Variants in ARMC8 observed in about 807,000 individuals in gnomAD.
ARMC8 encodes the protein armadillo repeat-containing protein 8.
A neutral mutation model predicts 99.3 loss-of-function variants in ARMC8; 20 were observed. That is an observed-to-expected ratio of 0.20 (90% CI 0.14 to 0.29). The LOEUF (loss-of-function observed/expected upper bound fraction) is 0.29. Among genes scored for constraint, ARMC8 ranks in the 10% least tolerant of loss-of-function variants. The pLI is 1.00. For synonymous variants in ARMC8, 263 were observed against 278.3 expected (o/e 0.95, Z 0.55); for missense variants, 569 against 809.5 (o/e 0.70, Z 3.60).
chr3:138,229,336 CTTTT>C (rs71304266), intron 6 of ARMC8, among the ~76,000 whole-genome samples: 1 of 132,616 alleles, frequency 7.5e-6, no homozygotes. Context: ...CTCCCTCATT[CTTTT>C]TTTTTTTTTT....
intron 12 of ARMC8, chr3:138,245,900 C>G: frequency 1.0e-6 from 1 of 985,404 alleles, no homozygotes; most frequent in Non-Finnish European, 1.2e-6. Context: ...CATGTATAAC[C>G]TAATAAATTC....
At chr3:138,223,363 T>A (rs1381432626) in intron 3 of ARMC8, 26 bp from the exon 4 acceptor site, 1 of 1,609,620 alleles carries the variant, frequency 6.2e-7, no homozygotes, top group East Asian at 2.2e-5. Context: ...TTTAGTCTCT[T>A]CGTTTATTAA....
At chr3:138,207,411 G>A (rs1001822091) in intron 1 of ARMC8, among the ~76,000 whole-genome samples, 1 of 152,144 alleles carries the variant, frequency 6.6e-6, no homozygotes, top group African/African-American at 2.4e-5. Flanking sequence ...CTCAGTGCAT[G>A]TTATATTGAA....
intron 16 of ARMC8, 123 bp downstream of exon 16, chr3:138,270,255 T>C: frequency 1.4e-6 from 1 of 733,660 alleles, no homozygotes; most frequent in Non-Finnish European, 2.2e-6. Flanking sequence ...GGCTATTTTG[T>C]TCTAGTTTTC....
intron 1 of ARMC8, among the ~76,000 whole-genome samples, chr3:138,199,964 A>G (rs1010054187): frequency 7.9e-5 from 12 of 152,160 alleles, no homozygotes; most frequent in Non-Finnish European, 1.5e-5. Context: ...TTAGGGATAG[A>G]AGGAGGTTCT....
intron 1 of ARMC8, among the ~76,000 whole-genome samples, chr3:138,204,798 G>T (rs1281739779): frequency 1.3e-5 from 2 of 152,098 alleles, no homozygotes; most frequent in South Asian, 2.1e-4. Context: ...TTCCAGTCTT[G>T]CGGTATCCAG....
intron 1 of ARMC8, among the ~76,000 whole-genome samples, chr3:138,201,526 C>T (rs1254080133): frequency 1.6e-5 from 2 of 126,396 alleles, no homozygotes; most frequent in African/African-American, 6.0e-5. Context: ...CAGTGGTGCA[C>T]TCTTGGCTCA....
rs1254696477 is a variant in ARMC8 at position 138,296,174 on chromosome 3, T to C, written c.*282T>C. On this transcript the variant is annotated 3_prime_UTR_variant, in exon 22 of 22. Transcript: ENST00000469044. ...AATCATTTTCCTTTGGACCTACAAT[T>C]TTTGCCTATGCTGCAGCCACTTTGT... 2.9e-6 allele frequency: 1 copy of C among 346,650 alleles called. No homozygotes were observed. Among genetic ancestry groups the C allele is most frequent in the Non-Finnish European group, 5.3e-6 (1 of 189,322 alleles). The allele number at this position is 346,650 out of a possible 1,614,324, so 21.5% of individuals were successfully genotyped here. A position where few individuals can be genotyped will look rare whatever the true frequency, so the allele number is the denominator to read the frequency against.
At chr3:138,239,437 C>CA (rs774443238) in intron 9 of ARMC8, 31 bp from the exon 10 acceptor site, 1 of 1,545,522 alleles carries the variant, frequency 6.5e-7, no homozygotes, top group Admixed American at 2.0e-5. Flanking sequence ...AAACTCCAAG[C>CA]AAAAACTTAT....
chr3:138,205,753 C>A (rs558868567), intron 1 of ARMC8, among the ~76,000 whole-genome samples: 1 of 152,214 alleles, frequency 6.6e-6, no homozygotes, highest in South Asian at 2.1e-4. Flanking sequence ...GCCTGGGCAA[C>A]GAGGTTGAGA....
intron 5 of ARMC8, 41 bp from the exon 6 acceptor site, chr3:138,228,877 A>C (rs1199053648): frequency 8.3e-7 from 1 of 1,208,242 alleles, no homozygotes; most frequent in Non-Finnish European, 1.2e-6. Context: ...AAATGTACTC[A>C]TGGTGCCTGA....
chr3:138,252,091 G>A (rs753456918), intron 12 of ARMC8, among the ~76,000 whole-genome samples: 8 of 152,202 alleles, frequency 5.3e-5, no homozygotes, highest in Non-Finnish European at 1.0e-4. Flanking sequence ...TCTTTCCTAT[G>A]AATAAAGTGC....
At position 138,201,293 on chromosome 3, in the gene ARMC8, C is replaced by G. The variant is rs528420655; in HGVS notation, c.46-8524C>G. Reference sequence around the variant, plus strand: ...TCTTGACCAACTCAGTTAAAAAATACACTTCAGCATTGTTTTGTGTTCTCA... The same window carrying G: ...TCTTGACCAACTCAGTTAAAAAATAGACTTCAGCATTGTTTTGTGTTCTCA... On this transcript the variant is annotated intron_variant, in intron 1 of 21. Transcript: ENST00000469044. Among the ~76,000 whole-genome samples, 122 of 151,812 alleles carry G rather than the reference C, an allele frequency of 8.0e-4. No homozygotes were observed. The South Asian group carries it at 0.01, about 13-fold the overall frequency.
intron 1 of ARMC8, among the ~76,000 whole-genome samples, chr3:138,190,858 A>G (rs2043343290): frequency 6.6e-6 from 1 of 152,220 alleles, no homozygotes; most frequent in African/African-American, 2.4e-5. Flanking sequence ...GGAAAAATAG[A>G]TATCAAATAA....
chr3:138,188,657 G>A (rs2043209297), intron 1 of ARMC8: 2 of 1,238,580 alleles, frequency 1.6e-6, no homozygotes, highest in Non-Finnish European at 1.2e-6. Context: ...TGACTTGTCG[G>A]GTTCCTAGAG....
chr3:138,233,581 A>G (rs915808189), intron 6 of ARMC8, among the ~76,000 whole-genome samples: 1 of 152,234 alleles, frequency 6.6e-6, no homozygotes, highest in Non-Finnish European at 1.5e-5. Flanking sequence ...TTTTTTACAG[A>G]TTCTTTTAAT....
chr3:138,193,063 G>C (rs1033577352), intron 1 of ARMC8, among the ~76,000 whole-genome samples: 1 of 151,904 alleles, frequency 6.6e-6, no homozygotes, highest in African/African-American at 2.4e-5. Context: ...CTGCCTCCCA[G>C]GTTCAAGCGA....
intron 18 of ARMC8, among the ~76,000 whole-genome samples, chr3:138,281,658 C>T (rs948823599): frequency 1.3e-5 from 2 of 152,112 alleles, no homozygotes; most frequent in Non-Finnish European, 2.9e-5. Context: ...TTATGAGCTT[C>T]AAAACAGAAC....
chr3:138,259,596 T>A lies in ARMC8; in HGVS notation c.1135-4143T>A, dbSNP rs536139140. ...ACCCTAGCAGGGTTACTGAATTATC[T>A]CCATTACAAGTTCAGTTACAGATTC... On this transcript the variant is annotated intron_variant, in intron 12 of 21. Coordinates refer to ENST00000469044, the MANE Select transcript of ARMC8 (RefSeq NM_001363941.2). Among the ~76,000 whole-genome samples the A allele has an allele frequency of 2.0e-5, 3 of 152,278 alleles. No homozygotes were observed. The South Asian group carries it at 6.2e-4, about 32-fold the overall frequency.
Sources: gnomAD v4.1 joint callset for allele counts (sites outside exome capture counted in the v4.1 genomes callset) on GRCh38, gnomAD v4.1.1 for gene constraint, MANE v1.5 for transcripts, NCBI Gene and HGNC (gene_info 2026-07-23, HGNC 2026-07-21) for gene names.